The following DGCR2 variants were observed in gnomAD, a reference collection of about 807,000 sequenced individuals.
The protein encoded by DGCR2 is DiGeorge syndrome critical region gene 2, also known as integral membrane protein DGCR2/IDD.
DGCR2 carries 24 observed loss-of-function variants against 51.6 expected under a neutral mutation model. The ratio of observed to expected loss-of-function variants is 0.47; its 90% CI spans 0.34 to 0.65. DGCR2 has a LOEUF of 0.65. DGCR2 is among the 30% of genes least tolerant of loss of function. DGCR2 has a pLI of 0.01. For missense variants in DGCR2, 765 were observed against 772.1 expected (o/e 0.99, Z 0.11); for synonymous variants, 340 against 315.4 (o/e 1.08, Z -0.82).
At chr22:19,063,076 G>C (rs2082702947) in intron 5 of DGCR2, 126 bp downstream of exon 5, 5 of 724,622 alleles carry the variant, frequency 6.9e-6, no homozygotes, top group Non-Finnish European at 1.1e-5. Flanking sequence ...TGCAACTGGG[G>C]CTCACCCACT....
intron 8 of DGCR2, 53 bp downstream of exon 8, chr22:19,041,749 ATGGGG>A: frequency 1.3e-6 from 2 of 1,571,544 alleles, no homozygotes; most frequent in Non-Finnish European, 1.7e-6. Context: ...TCATGGAGAC[ATGGGG>A]TGACCTGGGG....
At position 19,108,569 on chromosome 22, in the gene DGCR2, T is replaced by TAAA. The variant is rs55803042; in HGVS notation, c.79+13556_79+13558dup. 8.1e-4 allele frequency among the ~76,000 whole-genome samples: 73 copies of TAAA among 90,682 alleles called. 1 individual carries two copies. Among genetic ancestry groups the TAAA allele is most frequent in the East Asian group, 1.2e-3 (3 of 2,470 alleles). 59.5% of individuals were successfully genotyped at this position (90,682 alleles called of 152,430 possible). On this transcript the variant is annotated intron_variant, in intron 1 of 9. Transcript: ENST00000263196. ...CAGCCTGGGCAACAGAGAATTTATC[T>TAAA]AAAAAAAAAAAAAAAAAAAAAAAAA...
chr22:19,083,264 T>C (rs959778874), intron 2 of DGCR2, among the ~76,000 whole-genome samples: 5 of 152,216 alleles, frequency 3.3e-5, no homozygotes, highest in South Asian at 2.1e-4. Flanking sequence ...CACAGCGATA[T>C]GTAATTCCAC....
intron 5 of DGCR2, among the ~76,000 whole-genome samples, chr22:19,062,701 C>T (rs768390848): frequency 2.0e-5 from 3 of 151,858 alleles, no homozygotes; most frequent in Non-Finnish European, 4.4e-5. Context: ...AAACAGCAGC[C>T]ATGTTTCCTT....
intron 1 of DGCR2, among the ~76,000 whole-genome samples, chr22:19,104,579 T>A (rs994843886): frequency 6.6e-6 from 1 of 152,070 alleles, no homozygotes; most frequent in Non-Finnish European, 1.5e-5. Context: ...CAGGAGAAAT[T>A]CCAGCCCATC....
Position 19,044,841 on chromosome 22 carries a change from C to A in DGCR2, c.1007-2882G>T, listed in dbSNP as rs187799613. The stretch of plus-strand genomic sequence containing the variant: ...TTTTTCAATAGCATTGTTTTGTTTT[C>A]TTATTATTGAGTTTTTATGTATTCT... On this transcript the variant is annotated intron_variant, in intron 7 of 9. Coordinates refer to ENST00000263196, the MANE Select transcript of DGCR2 (RefSeq NM_005137.3). Among the ~76,000 whole-genome samples the A allele has an allele frequency of 2.3e-4, 35 of 152,200 alleles. No homozygotes were observed. The East Asian group carries it at 4.6e-3, about 20-fold the overall frequency.
intron 4 of DGCR2, among the ~76,000 whole-genome samples, chr22:19,064,366 G>A (rs748827469): frequency 1.6e-4 from 24 of 152,250 alleles, no homozygotes; most frequent in South Asian, 4.1e-4. Flanking sequence ...AAACAACTCC[G>A]TCTTGTGATT....
rs114743898 is a variant in DGCR2 at position 19,080,863 on chromosome 22, T to C, written c.202+8505A>G. 6.9e-3 allele frequency among the ~76,000 whole-genome samples: 1,048 copies of C among 152,234 alleles called. 14 individuals are homozygous for C. The highest frequency in any genetic ancestry group is 0.024 in the African/African-American group (981 of 41,546). On this transcript the variant is annotated intron_variant, in intron 2 of 9. Transcript: ENST00000263196. ...AAAAGAAATGAAACCCCACATCTTA[T>C]GGTAGCAGAAAGAGTCACCCAGTGA...
rs1031309307 is a variant in DGCR2, at chr22:19,037,728, G to A, written c.*1137C>T. ...CAGAAATGTTAAAGGCCCTGTGTCA[G>A]GCAACAAAACCACTGCCCAGGAGCA... On this transcript the variant is annotated 3_prime_UTR_variant, in exon 10 of 10. Coordinates refer to ENST00000263196, the MANE Select transcript of DGCR2 (RefSeq NM_005137.3). 3 of 152,414 alleles carry A rather than the reference G, an allele frequency of 2.0e-5. No individual in the cohort carries two copies. The highest frequency in any genetic ancestry group is 1.5e-5 in the Non-Finnish European group (1 of 68,052). 9.4% of individuals were successfully genotyped at this position (152,414 alleles called of 1,614,324 possible). A position where few individuals can be genotyped will look rare whatever the true frequency, so the allele number is the denominator to read the frequency against.
At chr22:19,053,807 G>C (rs1399468440) in intron 6 of DGCR2, among the ~76,000 whole-genome samples, 1 of 152,180 alleles carries the variant, frequency 6.6e-6, no homozygotes, top group African/African-American at 2.4e-5. Flanking sequence ...GGAAAAGCTG[G>C]ACAATATACA....
intron 7 of DGCR2, chr22:19,047,639 T>A (rs1489905719): frequency 1.3e-5 from 2 of 152,214 alleles, no homozygotes; most frequent in Non-Finnish European, 2.9e-5. Flanking sequence ...GGTGTTAACA[T>A]CTCAGAGAGC....
At chr22:19,053,168 T>G (rs1301914216) in intron 6 of DGCR2, among the ~76,000 whole-genome samples, 1 of 152,234 alleles carries the variant, frequency 6.6e-6, no homozygotes, top group African/African-American at 2.4e-5. Flanking sequence ...GAAAAGCCAC[T>G]GTGCTGGACC....
intron 2 of DGCR2, among the ~76,000 whole-genome samples, chr22:19,084,371 G>A (rs1227674061): frequency 1.5e-5 from 2 of 137,578 alleles, no homozygotes; most frequent in Non-Finnish European, 3.2e-5. Flanking sequence ...GCCCGGCCAC[G>A]ACCCCGTCTG....
chr22:19,070,925 T>C (rs1374468136), intron 2 of DGCR2, among the ~76,000 whole-genome samples: 2 of 152,206 alleles, frequency 1.3e-5, no homozygotes, highest in African/African-American at 4.8e-5. Context: ...TGTCAGACAG[T>C]GTCCTGGGGG....
At chr22:19,079,885 A>T (rs2082917474) in intron 2 of DGCR2, among the ~76,000 whole-genome samples, 1 of 152,214 alleles carries the variant, frequency 6.6e-6, no homozygotes, top group African/African-American at 2.4e-5. Flanking sequence ...TCCACAGTGG[A>T]TGTTTTCTTC....
intron 5 of DGCR2, chr22:19,061,032 G>A (rs1482744629): frequency 4.3e-6 from 1 of 234,536 alleles, no homozygotes; most frequent in East Asian, 1.4e-4. Flanking sequence ...CTTAATGTGA[G>A]GCCCTTCCAC....
chr22:19,115,276 G>A lies in DGCR2; in HGVS notation c.79+6852C>T, dbSNP rs1421195857. On this transcript the variant is annotated intron_variant, in intron 1 of 9. Transcript: ENST00000263196. ...GAGGCAGCTCCCTCAGCACCGGCTTGCTGGGGTCCCTCCCTCTGGGAGCCC... is the reference window on the plus strand; with the variant it reads ...GAGGCAGCTCCCTCAGCACCGGCTTACTGGGGTCCCTCCCTCTGGGAGCCC... 2.0e-5 allele frequency among the ~76,000 whole-genome samples: 3 copies of A among 152,346 alleles called. No individual in the cohort carries two copies. In the East Asian group the frequency reaches 5.8e-4, roughly 29 times the overall value.
At chr22:19,061,142 T>A (rs1054168940) in intron 5 of DGCR2, 1 of 236,096 alleles carries the variant, frequency 4.2e-6, no homozygotes, top group Non-Finnish European at 8.5e-6. Context: ...TTTTGGGTAT[T>A]TTTGGGGGGG....
intron 9 of DGCR2, 86 bp downstream of exon 9, chr22:19,040,972 C>T: frequency 1.6e-6 from 2 of 1,245,618 alleles, no homozygotes; most frequent in Non-Finnish European, 2.2e-6. Flanking sequence ...GTCCCTAGGC[C>T]TCTGCAGCTG....
Sources: gnomAD v4.1 joint callset for allele counts (sites outside exome capture counted in the v4.1 genomes callset) on GRCh38, gnomAD v4.1.1 for gene constraint, MANE v1.5 for transcripts, NCBI Gene and HGNC (gene_info 2026-07-23, HGNC 2026-07-21) for gene names.